ATP13A3: variants seen among roughly 807,000 people sequenced by gnomAD.
ATP13A3 encodes polyamine-transporting ATPase 13A3.
Under a neutral mutation model 158.1 loss-of-function variants are expected in ATP13A3, and 59 were observed. The observed-to-expected ratio is 0.37, with a 90% CI of 0.30 to 0.46. The LOEUF (loss-of-function observed/expected upper bound fraction) is 0.46. Among genes scored for constraint, ATP13A3 ranks in the 20% least tolerant of loss-of-function variants. The pLI is 1.00. For missense variants in ATP13A3, 1,166 were observed against 1,525.2 expected (o/e 0.76, Z 3.92); for synonymous variants, 491 against 504.3 (o/e 0.97, Z 0.35).
chr3:194,430,270 T>C lies in ATP13A3; in HGVS notation c.2667+3A>G. 6.2e-7 allele frequency: 1 copy of C among 1,613,740 alleles called. No homozygotes were observed. ...AAAACTAAATCACAAAAACTATACT[T>C]ACACCACAATCATTTGCGCCATCAC... On this transcript the variant is annotated splice_donor_region_variant and intron_variant, in intron 25 of 33. Transcript: ENST00000645319.
rs766599996 is a variant in ATP13A3 at position 194,431,728 on chromosome 3, T to C, written c.2410A>G (p.Ile804Val). ...SLTQCSHPSA[I>V]DPEAIPVKLV... The stretch of plus-strand genomic sequence containing the variant: ...GATCTTGACCTTACCTCTGGGTCAA[T>C]TGCTGATGGATGACTGCACTGCGTG... The change falls in exon 22 of 34, where the codon ATT becomes GTT. Residue 804 changes from isoleucine to valine, a missense_variant. Transcript: ENST00000645319. 3.8e-6 allele frequency: 6 copies of C among 1,577,932 alleles called. No homozygotes were observed. Among genetic ancestry groups the C allele is most frequent in the Admixed American group, 1.9e-5 (1 of 53,350 alleles).
chr3:194,465,030 C>G (rs1719904983), intron 2 of ATP13A3, among the ~76,000 whole-genome samples: 1 of 152,138 alleles, frequency 6.6e-6, no homozygotes, highest in Non-Finnish European at 1.5e-5. Context: ...TGCTTCCAAC[C>G]AAGTTGAGAC....
At chr3:194,460,853 ATGATTAATTATC>A (rs1430827520) in intron 3 of ATP13A3, 22 bp from the exon 4 acceptor site, 1 of 1,590,322 alleles carries the variant, frequency 6.3e-7, no homozygotes, top group Non-Finnish European at 8.6e-7. Context: ...CAGCGATCAC[ATGATTAATTATC>A]AAATGATAAA....
chr3:194,462,041 G>T, intron 3 of ATP13A3, 99 bp downstream of exon 3: 1 of 1,138,988 alleles, frequency 8.8e-7, no homozygotes, highest in Non-Finnish European at 1.3e-6. Flanking sequence ...GTTAGCTGCT[G>T]CCGCCACTGT....
At chr3:194,420,902 T>C (rs1716241870) in intron 30 of ATP13A3, among the ~76,000 whole-genome samples, 1 of 151,042 alleles carries the variant, frequency 6.6e-6, no homozygotes, top group African/African-American at 2.4e-5. Context: ...TAAGACCACA[T>C]ACAAAAACTT....
chr3:194,427,048 G>T, intron 29 of ATP13A3, 27 bp downstream of exon 29: 3 of 1,587,642 alleles, frequency 1.9e-6, no homozygotes, highest in South Asian at 2.3e-5. Context: ...ATTTTATATA[G>T]ATTTTTACAT....
chr3:194,489,522 A>G (rs1346667043), upstream of ATP13A3, among the ~76,000 whole-genome samples: 2 of 152,150 alleles, frequency 1.3e-5, no homozygotes, highest in African/African-American at 2.4e-5. This position sits in a 1 kb window ranked among gnomAD's most constrained non-coding sequence, Gnocchi z 4.1. Context: ...CAGCCTTCAG[A>G]GTGAACTACA....
chr3:194,456,024 G>A lies in ATP13A3; in HGVS notation c.561-62C>T, dbSNP rs1719202049. On this transcript the variant is annotated intron_variant, in intron 7 of 33. Coordinates refer to ENST00000645319, the MANE Select transcript of ATP13A3 (RefSeq NM_001367549.1). ...ATCATAATAGTATAATTTACGAAAG[G>A]CATTGTATTAGGTAAGGCTTAAACC... 3.5e-5 allele frequency: 37 copies of A among 1,055,690 alleles called. No homozygotes were observed. The South Asian group carries it at 5.1e-4, about 15-fold the overall frequency. 65.4% of individuals were successfully genotyped at this position (1,055,690 alleles called of 1,614,324 possible). A position where few individuals can be genotyped will look rare whatever the true frequency, so the allele number is the denominator to read the frequency against.
intron 10 of ATP13A3, chr3:194,450,798 A>AT (rs1171480278): frequency 4.6e-5 from 7 of 152,582 alleles, no homozygotes; most frequent in African/African-American, 1.7e-4. Context: ...CTCTTTTTAG[A>AT]TATTATTTTA....
At chr3:194,440,533 C>T (rs73071121) in intron 16 of ATP13A3, among the ~76,000 whole-genome samples, 3,441 of 152,254 alleles carry the variant, frequency 0.023, 119 homozygotes, top group African/African-American at 0.078. Flanking sequence ...CAAGCCTTCA[C>T]GATCAGAAAC....
chr3:194,438,985 AAG>A lies in ATP13A3; in HGVS notation c.1711-15_1711-14del. ...CTTCTTCCAGAATCTGGAAAAAAAA[AAG>A]AGACAAAAAAAAACAAAAACACAAC... On this transcript the variant is annotated splice_polypyrimidine_tract_variant and intron_variant, in intron 16 of 33. Coordinates refer to ENST00000645319, the MANE Select transcript of ATP13A3 (RefSeq NM_001367549.1). The A allele has an allele frequency of 1.3e-6, 2 of 1,531,698 alleles. No individual in the cohort carries two copies. Among genetic ancestry groups the A allele is most frequent in the Non-Finnish European group, 1.8e-6 (2 of 1,126,600 alleles). The allele number at this position is 1,531,698 out of a possible 1,614,324, so 94.9% of individuals were successfully genotyped here. A position where few individuals can be genotyped will look rare whatever the true frequency, so the allele number is the denominator to read the frequency against.
At chr3:194,437,594 GA>G in intron 17 of ATP13A3, 21 bp from the exon 18 acceptor site, 1 of 1,587,382 alleles carries the variant, frequency 6.3e-7, no homozygotes, top group Non-Finnish European at 8.6e-7. Flanking sequence ...AACAAAACAA[GA>G]AAAAATAGTA....
At position 194,403,922 on chromosome 3, in the gene ATP13A3, G is replaced by C; in HGVS notation, c.*1997C>G. 1 of 318,580 alleles carries C rather than the reference G, an allele frequency of 3.1e-6. No homozygotes were observed. 19.7% of individuals were successfully genotyped at this position (318,580 alleles called of 1,614,324 possible). On this transcript the variant is annotated 3_prime_UTR_variant, in exon 34 of 34. Coordinates refer to ENST00000645319, the MANE Select transcript of ATP13A3 (RefSeq NM_001367549.1). ...AACTCTAAATGTTAAAAAAGTGGGG[G>C]GGGGGTGTCAAAAATAGCTCTTTAT...
At chr3:194,446,130 G>C (rs1009121720) in intron 14 of ATP13A3, among the ~76,000 whole-genome samples, 2 of 152,128 alleles carry the variant, frequency 1.3e-5, no homozygotes, top group African/African-American at 4.8e-5. Context: ...CTGAAGCTTT[G>C]AGCAAATAAG....
chr3:194,450,766 T>A (rs890214651), intron 10 of ATP13A3: 1 of 153,188 alleles, frequency 6.5e-6, no homozygotes, highest in Non-Finnish European at 1.5e-5. Flanking sequence ...TCAAGTCTCA[T>A]TGCCTCAATA....
At chr3:194,466,103 C>G (rs1327717357) in intron 2 of ATP13A3, among the ~76,000 whole-genome samples, 1 of 151,896 alleles carries the variant, frequency 6.6e-6, no homozygotes, top group Non-Finnish European at 1.5e-5. Flanking sequence ...GCCACTAAAA[C>G]AGTACTTAGA....
intron 31 of ATP13A3, among the ~76,000 whole-genome samples, chr3:194,417,954 C>T (rs138983795): frequency 6.4e-5 from 5 of 77,902 alleles, no homozygotes; most frequent in East Asian, 1.1e-3. Flanking sequence ...GACAGACGGA[C>T]GGACGGAAGG....
intron 8 of ATP13A3, 30 bp downstream of exon 8, chr3:194,455,863 T>C: frequency 7.5e-7 from 1 of 1,325,840 alleles, no homozygotes; most frequent in Non-Finnish European, 1.1e-6. Flanking sequence ...TGATCATGAC[T>C]GTTAAGTTAT....
intron 1 of ATP13A3, 115 bp downstream of exon 1, chr3:194,486,451 C>T (rs1194071813): frequency 6.5e-6 from 1 of 153,212 alleles, no homozygotes; most frequent in East Asian, 1.9e-4. Context: ...CGATGCCCAA[C>T]TCCGGCCCGA....
Sources: allele counts gnomAD v4.1 joint callset (sites outside exome capture counted in the v4.1 genomes callset), GRCh38; gene constraint gnomAD v4.1.1; non-coding constraint Gnocchi (gnomAD v3.1); transcripts MANE v1.5; gene names NCBI Gene and HGNC (gene_info 2026-07-23, HGNC 2026-07-21).